NR3C1: variants seen among roughly 807,000 people sequenced by gnomAD.
NR3C1 encodes nuclear receptor subfamily 3 group C member 1.
A neutral mutation model predicts 74.0 loss-of-function variants in NR3C1; 14 were observed. The ratio of observed to expected loss-of-function variants is 0.19; its 90% confidence interval spans 0.12 to 0.30. The LOEUF is 0.30. Among genes scored for constraint, NR3C1 ranks in the 10% least tolerant of loss-of-function variants. NR3C1 has a pLI of 1.00. For synonymous variants in NR3C1, 308 were observed against 332.5 expected, an observed-to-expected ratio of 0.93 and a Z score of 0.80; for missense variants, 695 against 909.8, an observed-to-expected ratio of 0.76 and a Z score of 3.04.
At position 143,310,218 on chromosome 5, in the gene NR3C1, A is replaced by G. The variant is rs764836514; in HGVS notation, c.1352-5T>C. ...CACATAGGTAATTGTGCTGTCCTAT[A>G]TGGAATAAAAGGCACTATTAAAGTT... On this transcript the variant is annotated splice_region_variant and splice_polypyrimidine_tract_variant and intron_variant, in intron 3 of 8. Transcript: ENST00000394464. The G allele has an allele frequency of 1.3e-6, 2 of 1,592,434 alleles. No individual in the cohort carries two copies. Among genetic ancestry groups the G allele is most frequent in the Admixed American group, 1.7e-5 (1 of 59,996 alleles).
chr5:143,362,760 A>G (rs1832515715), intron 2 of NR3C1, among the ~76,000 whole-genome samples: 1 of 152,212 alleles, frequency 6.6e-6, no homozygotes, highest in South Asian at 2.1e-4. Context: ...GAACTGGCTT[A>G]GTGCTTCCCT....
intron 2 of NR3C1, among the ~76,000 whole-genome samples, chr5:143,380,355 C>T (rs1441365753): frequency 1.3e-5 from 2 of 152,046 alleles, no homozygotes; most frequent in African/African-American, 2.4e-5. Context: ...AAGTAAAGTC[C>T]TTTACACTGT....
At chr5:143,434,365 C>T (rs1752018106) in intron 1 of NR3C1, among the ~76,000 whole-genome samples, 1 of 152,136 alleles carries the variant, frequency 6.6e-6, no homozygotes, top group Non-Finnish European at 1.5e-5. Flanking sequence ...TTAGATAAAG[C>T]CCACAAAAAT....
At chr5:143,410,651 C>A (rs1307951982) in intron 1 of NR3C1, among the ~76,000 whole-genome samples, 1 of 152,036 alleles carries the variant, frequency 6.6e-6, no homozygotes, top group Non-Finnish European at 1.5e-5. Flanking sequence ...TGATATCTAC[C>A]CCACCTATCA....
At chr5:143,332,802 C>A in intron 2 of NR3C1, 2 of 1,521,950 alleles carry the variant, frequency 1.3e-6, no homozygotes, top group South Asian at 1.1e-5. Flanking sequence ...CGTGAGTTTA[C>A]GGGTGCAGAG....
chr5:143,403,875 C>CA, upstream of NR3C1: 1 of 978,612 alleles, frequency 1.0e-6, no homozygotes, highest in Non-Finnish European at 1.2e-6. Flanking sequence ...CCCGACGGCG[C>CA]CTGCACGCCC....
At chr5:143,379,055 C>A (rs968922926) in intron 2 of NR3C1, among the ~76,000 whole-genome samples, 1 of 152,198 alleles carries the variant, frequency 6.6e-6, no homozygotes, top group East Asian at 1.9e-4. Context: ...CTCTGAGCCT[C>A]AACCATTCTT....
upstream of NR3C1, among the ~76,000 whole-genome samples, chr5:143,404,924 TAAAAC>T (rs964211732): frequency 1.3e-5 from 2 of 152,070 alleles, no homozygotes; most frequent in Non-Finnish European, 2.9e-5. Context: ...CCCCTACAAA[TAAAAC>T]AAAATACAGG....
At chr5:143,340,767 CA>C (rs1415134603) in intron 2 of NR3C1, among the ~76,000 whole-genome samples, 1 of 152,022 alleles carries the variant, frequency 6.6e-6, no homozygotes, top group Non-Finnish European at 1.5e-5. Context: ...AGACATGGGC[CA>C]CCACACCCGG....
At chr5:143,422,798 C>T (rs1751303794) in intron 1 of NR3C1, among the ~76,000 whole-genome samples, 1 of 152,190 alleles carries the variant, frequency 6.6e-6, no homozygotes, top group Non-Finnish European at 1.5e-5. Context: ...GCATCCTGAA[C>T]AAACTGAAAG....
intron 2 of NR3C1, among the ~76,000 whole-genome samples, chr5:143,358,155 C>T (rs1831515098): frequency 6.6e-6 from 1 of 152,188 alleles, no homozygotes; most frequent in South Asian, 2.1e-4. Context: ...TTGCCAGCAG[C>T]ACTTCCCGTT....
At chr5:143,309,902 T>G (rs2151601148) in intron 4 of NR3C1, among the ~76,000 whole-genome samples, 195 bp downstream of exon 4, 1 of 152,290 alleles carries the variant, frequency 6.6e-6, no homozygotes, top group South Asian at 2.1e-4. Context: ...GAAGAACTGG[T>G]GGATAAACAA....
exon 1 of NR3C1, chr5:143,435,384 CCAG>C: frequency 2.0e-6 from 2 of 985,412 alleles, no homozygotes; most frequent in Non-Finnish European, 2.4e-6. Context: ...TGCAATTTCC[CCAG>C]CAGAAGTGAA....
chr5:143,312,908 C>T (rs542468281), intron 3 of NR3C1, among the ~76,000 whole-genome samples: 3 of 152,240 alleles, frequency 2.0e-5, no homozygotes, highest in South Asian at 4.1e-4. Context: ...ACTTTTGACT[C>T]TAATCAATAG....
chr5:143,380,165 C>T (rs1020769124), intron 2 of NR3C1, among the ~76,000 whole-genome samples: 8 of 151,970 alleles, frequency 5.3e-5, no homozygotes, highest in South Asian at 2.1e-4. Flanking sequence ...AAGAGGGCCC[C>T]GATATGCAAA....
intron 2 of NR3C1, among the ~76,000 whole-genome samples, chr5:143,331,646 C>G (rs913642482): frequency 2.0e-5 from 3 of 152,162 alleles, no homozygotes; most frequent in Admixed American, 6.5e-5. Flanking sequence ...ATGGATGGAG[C>G]TGGCAGCCAT....
intron 7 of NR3C1, chr5:143,294,978 T>C (rs1816849778): frequency 1.0e-6 from 1 of 985,332 alleles, no homozygotes; most frequent in African/African-American, 1.7e-5. Flanking sequence ...AATGAATCTC[T>C]GACAATCCAG....
intron 3 of NR3C1, among the ~76,000 whole-genome samples, chr5:143,313,184 A>C (rs1290627941): frequency 6.6e-6 from 1 of 152,136 alleles, no homozygotes; most frequent in Non-Finnish European, 1.5e-5. Flanking sequence ...ATTATATGAC[A>C]ATTTTTTTCC....
chr5:143,427,467 G>A (rs4912911), intron 1 of NR3C1, among the ~76,000 whole-genome samples: 85,480 of 151,614 alleles, frequency 0.56, 25,381 homozygotes, highest in Non-Finnish European at 0.67. Flanking sequence ...AAGAAGAGGG[G>A]AAAGATAGTT....
Sources: gnomAD v4.1 joint callset for allele counts (sites outside exome capture counted in the v4.1 genomes callset) on GRCh38, gnomAD v4.1.1 for gene constraint, MANE v1.5 for transcripts, NCBI Gene and HGNC (gene_info 2026-07-23, HGNC 2026-07-21) for gene names.